The following TDRP variants were observed in gnomAD, a reference collection of about 807,000 sequenced individuals.
TDRP encodes testis development-related protein.
TDRP carries 12 observed loss-of-function variants against 10.5 expected under a neutral mutation model. The ratio of observed to expected loss-of-function variants is 1.15; its 90% CI spans 0.73 to 1.86. TDRP has a LOEUF of 1.86. Among genes scored for constraint, TDRP ranks in the 40% most tolerant of loss-of-function variants. The pLI, the probability that TDRP is intolerant of heterozygous loss-of-function variation, is 0.00. For synonymous variants in TDRP, 139 were observed against 95.4 expected (o/e 1.46, Z -2.67); for missense variants, 353 against 229.2 (o/e 1.54, Z -3.49).
intron 1 of TDRP, among the ~76,000 whole-genome samples, chr8:497,533 C>T (rs1048139938): frequency 6.6e-6 from 1 of 152,146 alleles, no homozygotes; most frequent in Non-Finnish European, 1.5e-5. Flanking sequence ...GAAATTGGAA[C>T]TTATGTTTAA....
rs76743198 is a variant in TDRP at position 523,331 on chromosome 8, G to C, written c.108+21319C>G. Among the ~76,000 whole-genome samples, 1,461 of 152,180 alleles carry C rather than the reference G, an allele frequency of 9.6e-3. 26 individuals are homozygous for C. The highest frequency in any genetic ancestry group is 0.033 in the African/African-American group (1,362 of 41,534). Reference sequence around the variant, plus strand: ...TATCACAAATTAATTTTTTCGGGGGGAATGGAGGTGGAGTAAGATGGCTGA... The same window carrying C: ...TATCACAAATTAATTTTTTCGGGGGCAATGGAGGTGGAGTAAGATGGCTGA... On this transcript the variant is annotated intron_variant, in intron 1 of 2. Transcript: ENST00000324079.
At chr8:526,978 G>A (rs1023287766) in intron 1 of TDRP, among the ~76,000 whole-genome samples, 3 of 152,124 alleles carry the variant, frequency 2.0e-5, no homozygotes, top group Admixed American at 6.5e-5. Flanking sequence ...AAATAGGGCA[G>A]GCACAGTGAC....
intron 1 of TDRP, among the ~76,000 whole-genome samples, chr8:508,096 A>T (rs1452648500): frequency 1.3e-5 from 2 of 152,178 alleles, no homozygotes; most frequent in Non-Finnish European, 2.9e-5. Flanking sequence ...AAGCTAAAGG[A>T]AAGTATGATA....
At position 491,779 on chromosome 8, in the gene TDRP, T is replaced by C. The variant is rs1223386848; in HGVS notation, c.*620A>G. The C allele has an allele frequency of 5.4e-5, 71 of 1,314,002 alleles. No homozygotes were observed. Among genetic ancestry groups the C allele is most frequent in the Non-Finnish European group, 6.8e-5 (70 of 1,036,780 alleles). The allele number at this position is 1,314,002 out of a possible 1,614,324, so 81.4% of individuals were successfully genotyped here. A position where few individuals can be genotyped will look rare whatever the true frequency, so the allele number is the denominator to read the frequency against. On this transcript the variant is annotated 3_prime_UTR_variant, in exon 3 of 3. Coordinates refer to ENST00000324079, the MANE Select transcript of TDRP (RefSeq NM_001384899.1). Reference sequence around the variant, plus strand: ...AAAAAGAACCACTGTTACTATCCAGTGGACATACAAGAAGCTATTCCTCCC... The same window carrying C: ...AAAAAGAACCACTGTTACTATCCAGCGGACATACAAGAAGCTATTCCTCCC...
At chr8:508,727 T>C (rs1801533263) in intron 1 of TDRP, among the ~76,000 whole-genome samples, 2 of 152,158 alleles carry the variant, frequency 1.3e-5, no homozygotes, top group Admixed American at 6.5e-5. Flanking sequence ...AATCTCATTT[T>C]TTTCACTTTT....
At chr8:502,593 C>A (rs1270704344) in intron 1 of TDRP, among the ~76,000 whole-genome samples, 1 of 152,236 alleles carries the variant, frequency 6.6e-6, no homozygotes, top group African/African-American at 2.4e-5. Flanking sequence ...GGGACCTACG[C>A]CTACCTCAGC....
chr8:508,084 C>G (rs879453227), intron 1 of TDRP, among the ~76,000 whole-genome samples: 1 of 151,864 alleles, frequency 6.6e-6, no homozygotes, highest in Non-Finnish European at 1.5e-5. Flanking sequence ...AATATGTTAA[C>G]AAAGCTAAAG....
intron 1 of TDRP, among the ~76,000 whole-genome samples, chr8:508,965 C>G (rs906993327): frequency 2.0e-5 from 3 of 152,222 alleles, no homozygotes; most frequent in Non-Finnish European, 4.4e-5. Context: ...AAAGGGGCTA[C>G]AGGCCCCATG....
At chr8:501,189 G>C (rs1563118065) in intron 1 of TDRP, among the ~76,000 whole-genome samples, 2 of 151,786 alleles carry the variant, frequency 1.3e-5, no homozygotes, top group Admixed American at 6.6e-5. Context: ...CTGGGCGACA[G>C]AGTGAGACTC....
upstream of TDRP, chr8:544,870 C>CGGGCGGGGCTAGGCGG (rs1802597512): frequency 1.3e-6 from 1 of 770,814 alleles, no homozygotes; most frequent in Non-Finnish European, 1.7e-6. Context: ...CCCAGTGGGC[C>CGGGCGGGGCTAGGCGG]GGGCGGGGCT....
intron 1 of TDRP, among the ~76,000 whole-genome samples, chr8:502,083 T>G (rs1376264068): frequency 2.0e-5 from 3 of 152,194 alleles, no homozygotes; most frequent in Non-Finnish European, 2.9e-5. Flanking sequence ...ACCTCCCACC[T>G]TCCTGAATAC....
intron 1 of TDRP, 55 bp from the exon 2 acceptor site, chr8:494,652 C>T (rs1394314176): frequency 1.3e-5 from 19 of 1,480,376 alleles, no homozygotes; most frequent in South Asian, 6.9e-5. Flanking sequence ...AACAGAATTC[C>T]GCTTTCTACT....
rs1064416 is a variant in TDRP, at chr8:491,457, C to T, written c.*942G>A. 364,696 of 640,714 alleles carry T rather than the reference C, an allele frequency of 0.57. 105,767 individuals are homozygous for T. Among genetic ancestry groups the T allele is most frequent in the African/African-American group, 0.7 (37,184 of 53,000 alleles). 39.7% of individuals were successfully genotyped at this position (640,714 alleles called of 1,614,324 possible). On this transcript the variant is annotated 3_prime_UTR_variant, in exon 3 of 3. Transcript: ENST00000324079. ...AAGAACGCGAGAGATGCTCTCAAAC[C>T]GGTCGTCGATTATTCTTGTGGAAAA... is the stretch of plus-strand genomic sequence containing the variant.
chr8:528,393 C>A (rs1445963020), intron 1 of TDRP, among the ~76,000 whole-genome samples: 1 of 131,206 alleles, frequency 7.6e-6, no homozygotes, highest in African/African-American at 2.6e-5. Context: ...TAGGATCCAG[C>A]AATCCCACTG....
intron 1 of TDRP, among the ~76,000 whole-genome samples, chr8:506,961 C>G (rs1801482360): frequency 6.6e-6 from 1 of 152,104 alleles, no homozygotes; most frequent in Non-Finnish European, 1.5e-5. Context: ...ATACCTGGGA[C>G]TGGGTAATTA....
At chr8:500,107 T>G (rs1026953215) in intron 1 of TDRP, among the ~76,000 whole-genome samples, 3 of 152,182 alleles carry the variant, frequency 2.0e-5, no homozygotes, top group African/African-American at 7.2e-5. Context: ...CGTAAAACGC[T>G]GGTAATGACC....
At chr8:505,177 C>T (rs191576608) in intron 1 of TDRP, among the ~76,000 whole-genome samples, 92 of 152,316 alleles carry the variant, frequency 6.0e-4, no homozygotes, top group African/African-American at 2.0e-3. Context: ...TGCAAACGGA[C>T]CCACAGACCT....
chr8:510,754 C>G (rs368935130), intron 1 of TDRP, among the ~76,000 whole-genome samples: 2 of 152,208 alleles, frequency 1.3e-5, no homozygotes, highest in African/African-American at 4.8e-5. Context: ...CAGCTGAAAA[C>G]GAGGAACTCC....
At chr8:543,819 G>A (rs1802562178) in intron 1 of TDRP, among the ~76,000 whole-genome samples, 2 of 152,038 alleles carry the variant, frequency 1.3e-5, no homozygotes, top group South Asian at 4.2e-4. Flanking sequence ...AGCATCAGGA[G>A]GAAGTTGCCA....
Sources: allele counts gnomAD v4.1 joint callset (sites outside exome capture counted in the v4.1 genomes callset), GRCh38; gene constraint gnomAD v4.1.1; transcripts MANE v1.5; gene names NCBI Gene and HGNC (gene_info 2026-07-23, HGNC 2026-07-21).